Variants in SVOPL observed in about 807,000 individuals in gnomAD.
SVOPL encodes the protein putative transporter SVOPL.
A neutral mutation model predicts 61.0 loss-of-function variants in SVOPL; 60 were observed. That is an observed-to-expected ratio of 0.98 (90% CI 0.80 to 1.22). The LOEUF (loss-of-function observed/expected upper bound fraction) is 1.22, where lower values mean the gene tolerates loss of function less well. Among genes scored for constraint, SVOPL ranks in the 50% most tolerant of loss-of-function variants. SVOPL has a pLI of 0.00. For missense variants in SVOPL, 662 were observed against 643.9 expected, an observed-to-expected ratio of 1.03 and a Z score of -0.30; for synonymous variants, 279 against 250.0, an observed-to-expected ratio of 1.12 and a Z score of -1.09.
chr7:138,641,926 TACACACAC>T (rs34233604), intron 9 of SVOPL, among the ~76,000 whole-genome samples: 184 of 146,042 alleles, frequency 1.3e-3, no homozygotes, highest in African/African-American at 3.9e-3. Flanking sequence ...TGTATGTGTA[TACACACAC>T]ACACACACAC....
At chr7:138,669,688 C>T (rs1037364281) in intron 4 of SVOPL, among the ~76,000 whole-genome samples, 12 of 152,164 alleles carry the variant, frequency 7.9e-5, no homozygotes, top group Non-Finnish European at 1.0e-4. Flanking sequence ...TGACTTATTG[C>T]CCATCTAAAG....
intron 1 of SVOPL, 51 bp downstream of exon 1, chr7:138,701,127 C>G (rs2117156109): frequency 6.6e-6 from 1 of 152,334 alleles, no homozygotes; most frequent in East Asian, 1.9e-4. Flanking sequence ...CCACCCTCTA[C>G]AGCAGCAGGA....
chr7:138,692,526 C>T (rs1251776897), intron 1 of SVOPL, among the ~76,000 whole-genome samples: 1 of 152,050 alleles, frequency 6.6e-6, no homozygotes, highest in Non-Finnish European at 1.5e-5. Flanking sequence ...AACATAATAG[C>T]ATTGTTGACT....
chr7:138,607,345 G>T (rs918318207), intron 14 of SVOPL, among the ~76,000 whole-genome samples: 1 of 152,042 alleles, frequency 6.6e-6, no homozygotes, highest in Non-Finnish European at 1.5e-5. Flanking sequence ...AAACTATAAG[G>T]GTCTAATATT....
chr7:138,638,654 A>T (rs1484325348), intron 9 of SVOPL, among the ~76,000 whole-genome samples: 1 of 21,012 alleles, frequency 4.8e-5, no homozygotes, highest in Non-Finnish European at 2.5e-4. Context: ...AAGTTCAAAG[A>T]AAAAAAAATA....
rs2117091868 is a variant in SVOPL, at chr7:138,664,306, G to A, written c.274-1161C>T. The A allele has an allele frequency of 2.0e-5, 18 of 893,172 alleles. 1 individual carries two copies. In the South Asian group the frequency reaches 8.3e-4, roughly 41 times the overall value. The allele number at this position is 893,172 out of a possible 1,614,324, so 55.3% of individuals were successfully genotyped here. The stretch of plus-strand genomic sequence containing the variant: ...CATCGGGCACGCGCCTAACCCTCCA[G>A]CACCCCTAATCCTCCATCGGACACA... On this transcript the variant is annotated intron_variant, in intron 4 of 15. Transcript: ENST00000674285.
At chr7:138,612,436 T>TAAAA (rs60800575) in intron 14 of SVOPL, among the ~76,000 whole-genome samples, 23 of 17,832 alleles carry the variant, frequency 1.3e-3, no homozygotes, top group Non-Finnish European at 2.3e-3. Context: ...AAATAAAAAA[T>TAAAA]AAAAAAAAAA....
At chr7:138,681,632 T>C (rs1439948265) in intron 1 of SVOPL, among the ~76,000 whole-genome samples, 1 of 152,106 alleles carries the variant, frequency 6.6e-6, no homozygotes, top group African/African-American at 2.4e-5. Context: ...GAGACCAGTC[T>C]GGCCAACACA....
At chr7:138,629,716 G>A (rs905459179) in intron 10 of SVOPL, among the ~76,000 whole-genome samples, 2 of 152,140 alleles carry the variant, frequency 1.3e-5, no homozygotes, top group Admixed American at 1.3e-4. Context: ...TGTGCCACTG[G>A]ACTCGATGAT....
Position 138,642,816 on chromosome 7 carries a change from C to T in SVOPL, c.789+1901G>A, listed in dbSNP as rs145358582. Among the ~76,000 whole-genome samples, 403 of 123,838 alleles carry T rather than the reference C, an allele frequency of 3.3e-3. 3 individuals are homozygous for T. The highest frequency in any genetic ancestry group is 0.013 in the African/African-American group (369 of 27,908). 81.2% of individuals were successfully genotyped at this position (123,838 alleles called of 152,430 possible). ...CTACACTCCAGCCTGGACGATAGAG[C>T]GAGACTCCTACCTCCAAAAAAAAAA... On this transcript the variant is annotated intron_variant, in intron 9 of 15. Coordinates refer to ENST00000674285, the MANE Select transcript of SVOPL (RefSeq NM_001139456.2).
intron 5 of SVOPL, chr7:138,662,140 G>A: frequency 1.0e-6 from 1 of 985,456 alleles, no homozygotes; most frequent in Non-Finnish European, 1.2e-6. Context: ...TCTGTCCCTG[G>A]ACGGGACATT....
intron 9 of SVOPL, among the ~76,000 whole-genome samples, chr7:138,631,380 A>G (rs1800181697): frequency 6.6e-6 from 1 of 152,160 alleles, no homozygotes; most frequent in African/African-American, 2.4e-5. Flanking sequence ...ATGTATGAGT[A>G]AGTTATTAAC....
At chr7:138,682,385 C>G (rs1802718545) in intron 1 of SVOPL, among the ~76,000 whole-genome samples, 1 of 152,176 alleles carries the variant, frequency 6.6e-6, no homozygotes, top group East Asian at 1.9e-4. Flanking sequence ...GTGAAGTATT[C>G]TCATAAAGAG....
chr7:138,688,328 G>A (rs2117136163), intron 1 of SVOPL, among the ~76,000 whole-genome samples: 1 of 151,792 alleles, frequency 6.6e-6, no homozygotes. Flanking sequence ...GGAGTGCAGT[G>A]GCATGTTCCT....
intron 11 of SVOPL, 56 bp from the exon 12 acceptor site, chr7:138,627,517 T>C: frequency 7.8e-7 from 1 of 1,285,706 alleles, no homozygotes. Flanking sequence ...AGTGGCATAT[T>C]GCAACACTGG....
In SVOPL at chr7:138,619,881, A is replaced by C. The variant is rs147016121; in HGVS notation, c.1353+1165T>G. Among the ~76,000 whole-genome samples the C allele has an allele frequency of 5.4e-3, 819 of 151,990 alleles. 8 individuals carry two copies. The highest frequency in any genetic ancestry group is 0.019 in the African/African-American group (783 of 41,456). On this transcript the variant is annotated intron_variant, in intron 14 of 15. Transcript: ENST00000674285. ...CCAGAGCGAAGGGTTTGTGTTCGGG[A>C]TTTGTGGAGCTGCCACATGCACAGG...
chr7:138,661,778 G>A lies in SVOPL; in HGVS notation c.345+1296C>T, dbSNP rs115232167. On this transcript the variant is annotated intron_variant, in intron 5 of 15. Transcript: ENST00000674285. ...AACCCACTTGTAACTGCTGCTAATC[G>A]GAGCATATATTCAGGGCAACTGGAC... 1,133 of 905,942 alleles carry A rather than the reference G, an allele frequency of 1.3e-3. 11 individuals carry two copies. In the African/African-American group the frequency reaches 0.019, roughly 15 times the overall value. 56.1% of individuals were successfully genotyped at this position (905,942 alleles called of 1,614,324 possible). A position where few individuals can be genotyped will look rare whatever the true frequency, so the allele number is the denominator to read the frequency against.
chr7:138,645,497 T>C (rs1020573031), intron 8 of SVOPL, among the ~76,000 whole-genome samples: 2 of 152,076 alleles, frequency 1.3e-5, no homozygotes, highest in Admixed American at 6.6e-5. Context: ...GTCCCCCTGT[T>C]GGTTATTCTG....
intron 7 of SVOPL, among the ~76,000 whole-genome samples, chr7:138,655,562 T>TAC (rs1001930801): frequency 2.0e-5 from 3 of 148,358 alleles, no homozygotes; most frequent in African/African-American, 7.7e-5. Context: ...TGATATAAGC[T>TAC]ACACACACGC....
Sources: allele counts gnomAD v4.1 joint callset (sites outside exome capture counted in the v4.1 genomes callset), GRCh38; gene constraint gnomAD v4.1.1; transcripts MANE v1.5; gene names NCBI Gene and HGNC (gene_info 2026-07-23, HGNC 2026-07-21).